The following SMAP1 variants were observed in gnomAD, a reference collection of about 807,000 sequenced individuals.
SMAP1 encodes stromal membrane-associated protein 1.
In SMAP1, 24 loss-of-function variants were observed where a neutral mutation model predicts 58.5. The observed-to-expected ratio is 0.41, with a 90% CI of 0.30 to 0.58. The LOEUF (loss-of-function observed/expected upper bound fraction) is 0.58. Among genes scored for constraint, SMAP1 ranks in the 20% least tolerant of loss-of-function variants. The pLI, the probability that SMAP1 is intolerant of heterozygous loss-of-function variation, is 0.29. For missense variants in SMAP1, 563 were observed against 566.3 expected, an observed-to-expected ratio of 0.99 and a Z score of 0.06; for synonymous variants, 216 against 196.6, an observed-to-expected ratio of 1.10 and a Z score of -0.82.
intron 5 of SMAP1, among the ~76,000 whole-genome samples, chr6:70,792,042 A>G (rs1014801037): frequency 6.6e-6 from 1 of 152,130 alleles, no homozygotes; most frequent in African/African-American, 2.4e-5. Flanking sequence ...GCCCATTACT[A>G]TCTTATACTT....
At chr6:70,852,457 C>T in intron 7 of SMAP1, 83 bp from the exon 8 acceptor site, 3 of 1,259,796 alleles carry the variant, frequency 2.4e-6, no homozygotes, top group Non-Finnish European at 2.1e-6. Context: ...TTTTTTTAAC[C>T]ATATATCAAT....
At chr6:70,789,890 C>G (rs1196180226) in intron 4 of SMAP1, among the ~76,000 whole-genome samples, 1 of 152,000 alleles carries the variant, frequency 6.6e-6, no homozygotes, top group African/African-American at 2.4e-5. Context: ...ATTACTGATA[C>G]TTATTGAATG....
chr6:70,710,557 G>A (rs1196876819), intron 1 of SMAP1, among the ~76,000 whole-genome samples: 1 of 151,530 alleles, frequency 6.6e-6, no homozygotes, highest in African/African-American at 2.4e-5. Context: ...ACCATGATTG[G>A]AGCTTGCAGA....
chr6:70,667,991 T>C lies in SMAP1; in HGVS notation c.-33T>C. 1.3e-6 allele frequency: 2 copies of C among 1,548,202 alleles called. No homozygotes were observed. Among genetic ancestry groups the C allele is most frequent in the Admixed American group, 1.9e-5 (1 of 52,238 alleles). Reference sequence around the variant, plus strand: ...CTCCAGCCAGCGTCCGCCGCCGCCGTAGCTGCCCCAGGCTCCCCGCCCCGC... The same window carrying C: ...CTCCAGCCAGCGTCCGCCGCCGCCGCAGCTGCCCCAGGCTCCCCGCCCCGC... On this transcript the variant is annotated 5_prime_UTR_variant, in exon 1 of 11. Coordinates refer to ENST00000370455, the MANE Select transcript of SMAP1 (RefSeq NM_001044305.3).
intron 1 of SMAP1, among the ~76,000 whole-genome samples, chr6:70,690,250 GA>G (rs1462112474): frequency 1.3e-5 from 2 of 152,138 alleles, no homozygotes; most frequent in South Asian, 2.1e-4. Context: ...AATGTATGTT[GA>G]ATTTTATCAA....
intron 1 of SMAP1, among the ~76,000 whole-genome samples, chr6:70,684,129 A>G (rs938697897): frequency 6.6e-6 from 1 of 152,228 alleles, no homozygotes; most frequent in Non-Finnish European, 1.5e-5. Flanking sequence ...TATTTAGCCA[A>G]TTTATTCAAA....
In SMAP1 at chr6:70,823,302, A is replaced by C. The variant is rs1469830987; in HGVS notation, c.577-13639A>C. ...TTCTATAATCCTGTGATTAGGTCTCAGTCCTTTAATGAGCCTGTGCCCCTA... is the reference window on the plus strand; with the variant it reads ...TTCTATAATCCTGTGATTAGGTCTCCGTCCTTTAATGAGCCTGTGCCCCTA... On this transcript the variant is annotated intron_variant, in intron 6 of 10. Coordinates refer to ENST00000370455, the MANE Select transcript of SMAP1 (RefSeq NM_001044305.3). Among the ~76,000 whole-genome samples, 3 of 152,304 alleles carry C rather than the reference A, an allele frequency of 2.0e-5. No homozygotes were observed. In the East Asian group the frequency reaches 5.8e-4, roughly 29 times the overall value.
intron 2 of SMAP1, among the ~76,000 whole-genome samples, chr6:70,741,191 A>G (rs769000644): frequency 6.6e-6 from 1 of 152,126 alleles, no homozygotes; most frequent in Non-Finnish European, 1.5e-5. Context: ...GTCTTAACTC[A>G]TTTCAGCATT....
intron 3 of SMAP1, among the ~76,000 whole-genome samples, chr6:70,765,935 C>T (rs139409543): frequency 0.13 from 18,150 of 144,894 alleles, 1,405 homozygotes; most frequent in South Asian, 0.2. Context: ...ATGATGTTCC[C>T]CTTCCTGTGT....
chr6:70,800,986 A>T (rs994478364), intron 6 of SMAP1, among the ~76,000 whole-genome samples: 1 of 152,194 alleles, frequency 6.6e-6, no homozygotes, highest in African/African-American at 2.4e-5. Flanking sequence ...ATAAGTGTGC[A>T]TGTGTCTTTA....
intron 1 of SMAP1, among the ~76,000 whole-genome samples, chr6:70,729,461 G>GTGTT: frequency 7.4e-6 from 1 of 135,594 alleles, no homozygotes; most frequent in East Asian, 2.2e-4. Flanking sequence ...AAAGAAGGTT[G>GTGTT]TGTGTGTGTG....
At chr6:70,836,477 T>C (rs1019268721) in intron 6 of SMAP1, among the ~76,000 whole-genome samples, 1 of 152,040 alleles carries the variant, frequency 6.6e-6, no homozygotes, top group Admixed American at 6.6e-5. Context: ...ATCACAGGAG[T>C]ACATTAGTAG....
intron 3 of SMAP1, among the ~76,000 whole-genome samples, chr6:70,772,381 A>G (rs1767365740): frequency 6.6e-6 from 1 of 152,186 alleles, no homozygotes; most frequent in Non-Finnish European, 1.5e-5. Flanking sequence ...TTTTGACTAG[A>G]ATGATCCCCT....
At chr6:70,768,398 T>C (rs1034123332) in intron 3 of SMAP1, among the ~76,000 whole-genome samples, 2 of 152,240 alleles carry the variant, frequency 1.3e-5, no homozygotes, top group African/African-American at 4.8e-5. Context: ...TTTTGGTTGG[T>C]AAGCTATTGA....
chr6:70,672,099 A>G (rs568064065), intron 1 of SMAP1, among the ~76,000 whole-genome samples: 1 of 152,188 alleles, frequency 6.6e-6, no homozygotes, highest in African/African-American at 2.4e-5. Flanking sequence ...ACACTGTTAG[A>G]TATTGTATTA....
At chr6:70,770,568 T>C (rs568226163) in intron 3 of SMAP1, among the ~76,000 whole-genome samples, 5 of 152,216 alleles carry the variant, frequency 3.3e-5, no homozygotes, top group Non-Finnish European at 5.9e-5. Context: ...GCATTCTTCA[T>C]GTAGTTCTCG....
chr6:70,820,877 A>T (rs1200364565), intron 6 of SMAP1, among the ~76,000 whole-genome samples: 1 of 151,518 alleles, frequency 6.6e-6, no homozygotes, highest in East Asian at 1.9e-4. Flanking sequence ...TTGCTTTTCG[A>T]CTCTTATTTT....
chr6:70,855,653 C>T (rs1771385942), intron 8 of SMAP1, among the ~76,000 whole-genome samples: 1 of 152,082 alleles, frequency 6.6e-6, no homozygotes, highest in Non-Finnish European at 1.5e-5. Context: ...TAAGCTTATC[C>T]CAAGTTTATA....
intron 6 of SMAP1, 34 bp from the exon 7 acceptor site, chr6:70,836,907 G>T: frequency 6.8e-7 from 1 of 1,476,454 alleles, no homozygotes. Context: ...ATTTACTTAA[G>T]AAAAATTAAT....
Sources: allele counts gnomAD v4.1 joint callset (sites outside exome capture counted in the v4.1 genomes callset), GRCh38; gene constraint gnomAD v4.1.1; transcripts MANE v1.5; gene names NCBI Gene and HGNC (gene_info 2026-07-23, HGNC 2026-07-21).